Variants in FAM13A observed in about 807,000 individuals in gnomAD.
FAM13A encodes family with sequence similarity 13 member A.
Under a neutral mutation model 129.6 loss-of-function variants are expected in FAM13A, and 76 were observed. The observed-to-expected ratio is 0.59, with a 90% CI of 0.49 to 0.71. The LOEUF is 0.71. FAM13A is among the 30% of genes least tolerant of loss of function. The pLI is 0.00. For missense variants in FAM13A, 1,108 were observed against 1,249.3 expected (o/e 0.89, Z 1.70); for synonymous variants, 443 against 449.9 (o/e 0.98, Z 0.20).
At chr4:88,809,158 C>A (rs1247520208) in intron 7 of FAM13A, among the ~76,000 whole-genome samples, 1 of 152,102 alleles carries the variant, frequency 6.6e-6, no homozygotes. Context: ...TAAAGGAAAT[C>A]ATGAAAGGCA....
chr4:89,024,666 C>A (rs2149117965), intron 2 of FAM13A, among the ~76,000 whole-genome samples: 1 of 152,268 alleles, frequency 6.6e-6, no homozygotes, highest in Admixed American at 6.5e-5. Flanking sequence ...TCTGAAAAAA[C>A]TGCAAAGTAA....
At chr4:88,899,302 A>T (rs1746867752) in intron 6 of FAM13A, among the ~76,000 whole-genome samples, 1 of 152,022 alleles carries the variant, frequency 6.6e-6, no homozygotes, top group Admixed American at 6.6e-5. Flanking sequence ...GAGGATGCAA[A>T]GGGATAAGAA....
chr4:89,018,405 G>T (rs1288275577), intron 3 of FAM13A, among the ~76,000 whole-genome samples: 3 of 152,164 alleles, frequency 2.0e-5, no homozygotes, highest in African/African-American at 7.2e-5. Context: ...GCAGCCTCCA[G>T]GACTGTGAGA....
At chr4:89,038,732 G>A (rs1769716591) in intron 1 of FAM13A, among the ~76,000 whole-genome samples, 1 of 152,132 alleles carries the variant, frequency 6.6e-6, no homozygotes, top group African/African-American at 2.4e-5. Context: ...CTTTACAGAA[G>A]AATGCTGCAG....
intron 5 of FAM13A, among the ~76,000 whole-genome samples, chr4:88,932,143 G>A (rs1031756313): frequency 2.0e-5 from 3 of 152,238 alleles, no homozygotes; most frequent in East Asian, 3.9e-4. Flanking sequence ...AAAGCTCATG[G>A]CACTGATGGC....
intron 6 of FAM13A, among the ~76,000 whole-genome samples, chr4:88,884,684 A>T (rs1579111454): frequency 6.6e-6 from 1 of 152,306 alleles, no homozygotes; most frequent in East Asian, 1.9e-4. Flanking sequence ...AAGCGGAACC[A>T]AACTGCTGAA....
intron 3 of FAM13A, among the ~76,000 whole-genome samples, chr4:89,004,168 T>A (rs1400260432): frequency 6.6e-6 from 1 of 152,164 alleles, no homozygotes; most frequent in Admixed American, 6.5e-5. Flanking sequence ...AGATGGAGTC[T>A]CATTTTGTTG....
rs557682675 is a variant in FAM13A, at chr4:88,937,069, G to A, written c.759+1019C>T. 2.2e-4 allele frequency: 33 copies of A among 151,860 alleles called. No homozygotes were observed. The East Asian group carries it at 4.1e-3, about 19-fold the overall frequency. The allele number at this position is 151,860 out of a possible 1,614,324, so 9.4% of individuals were successfully genotyped here. Reference sequence around the variant, plus strand: ...ATCACTGACATTTTTTTCAGCTACCGTGTTATTTCTAACTCAGATTTACAA... The same window carrying A: ...ATCACTGACATTTTTTTCAGCTACCATGTTATTTCTAACTCAGATTTACAA... On this transcript the variant is annotated intron_variant, in intron 5 of 23. Coordinates refer to ENST00000264344, the MANE Select transcript of FAM13A (RefSeq NM_014883.4).
At chr4:89,005,621 GATA>G (rs1227948806) in intron 3 of FAM13A, among the ~76,000 whole-genome samples, 5 of 152,174 alleles carry the variant, frequency 3.3e-5, no homozygotes, top group Non-Finnish European at 5.9e-5. Context: ...TGACTGGTGA[GATA>G]ATATCTCATT....
chr4:88,840,546 A>T (rs1214435071), intron 7 of FAM13A, among the ~76,000 whole-genome samples: 1 of 152,190 alleles, frequency 6.6e-6, no homozygotes, highest in Non-Finnish European at 1.5e-5. Context: ...ACATACAAGA[A>T]TACATGTACG....
At chr4:88,824,652 T>A (rs967660489) in intron 7 of FAM13A, among the ~76,000 whole-genome samples, 1 of 152,206 alleles carries the variant, frequency 6.6e-6, no homozygotes, top group Non-Finnish European at 1.5e-5. Flanking sequence ...GTTCCATATA[T>A]TTCCATACCA....
chr4:88,960,531 T>C (rs1299731161), intron 4 of FAM13A, among the ~76,000 whole-genome samples: 2 of 152,178 alleles, frequency 1.3e-5, no homozygotes, highest in Non-Finnish European at 2.9e-5. Flanking sequence ...TACACAAAAG[T>C]GCACAACAAT....
In FAM13A at chr4:89,029,889, G is replaced by A; in HGVS notation, c.28-240C>T. On this transcript the variant is annotated intron_variant, in intron 1 of 23. Transcript: ENST00000264344. ...AAATGAAGTGTGCAGCTAAGAGAGG[G>A]AGCAATACACTGCCGTATCTAAGAT... The A allele has an allele frequency of 5.9e-6, 3 of 509,304 alleles. No homozygotes were observed. In the South Asian group the frequency reaches 7.5e-5, roughly 13 times the overall value. 31.5% of individuals were successfully genotyped at this position (509,304 alleles called of 1,614,324 possible).
At chr4:88,756,304 G>A (rs991519714) in intron 14 of FAM13A, among the ~76,000 whole-genome samples, 1 of 152,194 alleles carries the variant, frequency 6.6e-6, no homozygotes, top group Non-Finnish European at 1.5e-5. Context: ...CATTCCACAT[G>A]TCCTACGGAA....
chr4:88,799,054 T>C (rs1216448189), intron 8 of FAM13A, among the ~76,000 whole-genome samples: 1 of 152,188 alleles, frequency 6.6e-6, no homozygotes, highest in Non-Finnish European at 1.5e-5. Flanking sequence ...ATTGTTAGAA[T>C]TAAACCCAGA....
In FAM13A at chr4:89,057,103, A is replaced by G. The variant is rs1172234292; in HGVS notation, c.-139T>C. 4.7e-6 allele frequency: 7 copies of G among 1,485,370 alleles called. No homozygotes were observed. Among genetic ancestry groups the G allele is most frequent in the Non-Finnish European group, 6.2e-6 (7 of 1,121,130 alleles). 92.0% of individuals were successfully genotyped at this position (1,485,370 alleles called of 1,614,324 possible). On this transcript the variant is annotated 5_prime_UTR_variant, in exon 1 of 24. Transcript: ENST00000264344. ...AATGCAAAGGCCCCAAGGTAAGCGA[A>G]GAGCAGCTTCTAACATTTTAGGAAG...
intron 7 of FAM13A, among the ~76,000 whole-genome samples, chr4:88,817,668 C>A (rs1442870535): frequency 6.6e-6 from 1 of 152,112 alleles, no homozygotes; most frequent in East Asian, 1.9e-4. Context: ...CCATTCTGCA[C>A]CACAGACAAA....
At chr4:88,849,020 G>A (rs747504831) in intron 7 of FAM13A, among the ~76,000 whole-genome samples, 57 of 152,166 alleles carry the variant, frequency 3.7e-4, no homozygotes, top group South Asian at 6.2e-4. Flanking sequence ...TATGTGTTTT[G>A]TATTGTATTT....
chr4:88,954,901 GA>G (rs2148891245), intron 4 of FAM13A, among the ~76,000 whole-genome samples: 1 of 134,110 alleles, frequency 7.5e-6, no homozygotes, highest in African/African-American at 2.7e-5. Context: ...AAAAAAAAAA[GA>G]AAAAATGTTA....
Sources: allele counts gnomAD v4.1 joint callset (sites outside exome capture counted in the v4.1 genomes callset), GRCh38; gene constraint gnomAD v4.1.1; transcripts MANE v1.5; gene names NCBI Gene and HGNC (gene_info 2026-07-23, HGNC 2026-07-21).